SLC35F3: variants seen among roughly 807,000 people sequenced by gnomAD.
SLC35F3 encodes solute carrier family 35 member F3, also known as putative thiamine transporter SLC35F3.
SLC35F3 carries 25 observed loss-of-function variants against 49.9 expected under a neutral mutation model. The ratio of observed to expected loss-of-function variants is 0.50; its 90% CI spans 0.37 to 0.70. SLC35F3 has a LOEUF of 0.70. Among genes scored for constraint, SLC35F3 ranks in the 30% least tolerant of loss-of-function variants. The probability of loss-of-function intolerance (pLI) is 0.00; values close to 1 mark genes in which losing one functional copy is unlikely to be tolerated. For missense variants in SLC35F3, 525 were observed against 639.8 expected, an observed-to-expected ratio of 0.82 and a Z score of 1.94; for synonymous variants, 275 against 265.4, an observed-to-expected ratio of 1.04 and a Z score of -0.35.
At chr1:234,116,425 A>G (rs957271172) in intron 2 of SLC35F3, among the ~76,000 whole-genome samples, 2 of 152,158 alleles carry the variant, frequency 1.3e-5, no homozygotes. Flanking sequence ...CTATGTTATT[A>G]TCATTATTTA....
intron 2 of SLC35F3, among the ~76,000 whole-genome samples, chr1:234,041,816 G>A (rs1664226134): frequency 6.6e-6 from 1 of 152,098 alleles, no homozygotes; most frequent in Non-Finnish European, 1.5e-5. Context: ...AAAGCATGTA[G>A]GTATTCAATA....
At chr1:233,941,624 AC>A (rs1184351518) in intron 2 of SLC35F3, among the ~76,000 whole-genome samples, 4 of 152,336 alleles carry the variant, frequency 2.6e-5, no homozygotes, top group African/African-American at 9.6e-5. Context: ...CCAAACTGAA[AC>A]ACACAAATGA....
At chr1:234,178,979 A>G (rs1340114620) in intron 2 of SLC35F3, among the ~76,000 whole-genome samples, 3 of 152,106 alleles carry the variant, frequency 2.0e-5, no homozygotes, top group African/African-American at 4.8e-5. Flanking sequence ...CCAACATATC[A>G]TAAGCTGGAC....
intron 2 of SLC35F3, among the ~76,000 whole-genome samples, chr1:234,108,472 G>T (rs181304565): frequency 5.8e-5 from 4 of 69,030 alleles, no homozygotes; most frequent in Admixed American, 2.0e-4. Flanking sequence ...ATATATAAAA[G>T]ATATATATAT....
At chr1:234,207,645 T>C (rs1040591338) in intron 2 of SLC35F3, among the ~76,000 whole-genome samples, 1 of 151,900 alleles carries the variant, frequency 6.6e-6, no homozygotes, top group East Asian at 1.9e-4. Context: ...ATGACATCTC[T>C]TTTATAAACC....
chr1:234,115,910 A>G (rs1210783277), intron 2 of SLC35F3, among the ~76,000 whole-genome samples: 1 of 152,212 alleles, frequency 6.6e-6, no homozygotes, highest in African/African-American at 2.4e-5. Flanking sequence ...ACAATCTGTG[A>G]TCCGAGCTTT....
At chr1:234,054,848 A>C (rs982387481) in intron 2 of SLC35F3, among the ~76,000 whole-genome samples, 1 of 152,098 alleles carries the variant, frequency 6.6e-6, no homozygotes, top group Non-Finnish European at 1.5e-5. Context: ...TCTGTTTGTT[A>C]GTTTTCCTTC....
intron 2 of SLC35F3, among the ~76,000 whole-genome samples, chr1:234,218,404 G>C (rs1183502681): frequency 1.3e-5 from 2 of 152,154 alleles, no homozygotes; most frequent in Non-Finnish European, 2.9e-5. Flanking sequence ...AATGAATAAA[G>C]CTCTCCAGGA....
intron 2 of SLC35F3, among the ~76,000 whole-genome samples, chr1:234,028,043 G>A (rs189868793): frequency 1.3e-5 from 2 of 152,296 alleles, no homozygotes; most frequent in South Asian, 2.1e-4. Context: ...ATATAGGCCA[G>A]CTAGATCTTA....
At chr1:234,291,445 A>G (rs1668506809) in intron 3 of SLC35F3, among the ~76,000 whole-genome samples, 2 of 152,300 alleles carry the variant, frequency 1.3e-5, no homozygotes, top group South Asian at 4.1e-4. Context: ...AAAATGGAGC[A>G]GGGTAGCACA....
chr1:234,178,039 A>G (rs1666502036), intron 2 of SLC35F3, among the ~76,000 whole-genome samples: 1 of 152,230 alleles, frequency 6.6e-6, no homozygotes, highest in African/African-American at 2.4e-5. Context: ...AACCAAATTC[A>G]TAACTTGAGA....
chr1:234,243,431 T>C (rs760721016), intron 3 of SLC35F3, among the ~76,000 whole-genome samples: 20 of 152,224 alleles, frequency 1.3e-4, no homozygotes, highest in African/African-American at 4.8e-4. Flanking sequence ...CCGACTGTTA[T>C]TAAAGTTGGA....
chr1:233,914,755 A>AT (rs1299708823), intron 2 of SLC35F3, among the ~76,000 whole-genome samples: 2 of 151,920 alleles, frequency 1.3e-5, no homozygotes, highest in Non-Finnish European at 2.9e-5. Context: ...GATGAACCAT[A>AT]TTTCTTTTTT....
chr1:234,293,490 C>T lies in SLC35F3; in HGVS notation c.609-15611C>T, dbSNP rs117283889. The stretch of plus-strand genomic sequence containing the variant: ...GGGTGAACTATGCATGTCTCTGATC[C>T]GCATCACATGCAGGGCCAGGGAGCA... On this transcript the variant is annotated intron_variant, in intron 3 of 7. Coordinates refer to ENST00000366618, the MANE Select transcript of SLC35F3 (RefSeq NM_173508.4). Among the ~76,000 whole-genome samples, 14 of 152,310 alleles carry T rather than the reference C, an allele frequency of 9.2e-5. No individual in the cohort carries two copies. The East Asian group carries it at 1.2e-3, about 13-fold the overall frequency.
chr1:234,155,570 T>G (rs1211317955), intron 2 of SLC35F3, among the ~76,000 whole-genome samples: 2 of 151,954 alleles, frequency 1.3e-5, no homozygotes, highest in African/African-American at 4.8e-5. Flanking sequence ...TTAAAAGATT[T>G]TAGAATACCT....
intron 2 of SLC35F3, among the ~76,000 whole-genome samples, chr1:234,044,638 G>A (rs1340664216): frequency 6.6e-6 from 1 of 151,906 alleles, no homozygotes; most frequent in African/African-American, 2.4e-5. Flanking sequence ...CAATTTCAAG[G>A]GTATAAAATT....
intron 3 of SLC35F3, among the ~76,000 whole-genome samples, chr1:234,250,605 G>C (rs2677803): frequency 0.59 from 84,762 of 143,654 alleles, 26,506 homozygotes; most frequent in African/African-American, 0.8. Context: ...AGTGAGCCGA[G>C]ATCCCGCCAC....
chr1:234,003,810 G>A lies in SLC35F3; in HGVS notation c.283+98052G>A, dbSNP rs77993427. Among the ~76,000 whole-genome samples, 55 of 152,140 alleles carry A rather than the reference G, an allele frequency of 3.6e-4. No homozygotes were observed. The East Asian group carries it at 8.9e-3, about 25-fold the overall frequency. On this transcript the variant is annotated intron_variant, in intron 2 of 7. Coordinates refer to ENST00000366618, the MANE Select transcript of SLC35F3 (RefSeq NM_173508.4). ...GGTAAAATAAGAAATGCAAGCATTC[G>A]GTTCACAAAAAAAGGAAAATCAGAA... is the stretch of plus-strand genomic sequence containing the variant.
At chr1:234,089,040 G>A (rs1558226175) in intron 2 of SLC35F3, among the ~76,000 whole-genome samples, 2 of 152,222 alleles carry the variant, frequency 1.3e-5, no homozygotes, top group African/African-American at 4.8e-5. Context: ...GGGATTACAG[G>A]CATTAGCCAT....
Sources: gnomAD v4.1 joint callset for allele counts (sites outside exome capture counted in the v4.1 genomes callset) on GRCh38, gnomAD v4.1.1 for gene constraint, MANE v1.5 for transcripts, NCBI Gene and HGNC (gene_info 2026-07-23, HGNC 2026-07-21) for gene names.